Variants in ATRNL1 observed in about 807,000 individuals in gnomAD.
The protein encoded by ATRNL1 is attractin like 1.
ATRNL1 carries 95 observed loss-of-function variants against 182.7 expected under a neutral mutation model. The observed-to-expected ratio is 0.52, with a 90% CI of 0.44 to 0.62. The LOEUF (loss-of-function observed/expected upper bound fraction) is 0.62. Among genes scored for constraint, ATRNL1 ranks in the 20% least tolerant of loss-of-function variants. ATRNL1 has a pLI of 0.00. For synonymous variants in ATRNL1, 576 were observed against 568.3 expected, an observed-to-expected ratio of 1.01 and a Z score of -0.19; for missense variants, 1,471 against 1,679.5, an observed-to-expected ratio of 0.88 and a Z score of 2.17.
chr10:115,264,262 A>T (rs1181423385), intron 10 of ATRNL1, among the ~76,000 whole-genome samples: 1 of 151,632 alleles, frequency 6.6e-6, no homozygotes, highest in Non-Finnish European at 1.5e-5. Context: ...AATTTATTTT[A>T]TTATTGTTAT....
chr10:115,163,742 T>C (rs1846910788), intron 6 of ATRNL1, among the ~76,000 whole-genome samples: 3 of 152,142 alleles, frequency 2.0e-5, no homozygotes, highest in South Asian at 2.1e-4. Flanking sequence ...GCCTAAAATA[T>C]TTACTGTCTG....
intron 26 of ATRNL1, among the ~76,000 whole-genome samples, chr10:115,577,218 T>A (rs1215673293): frequency 6.6e-6 from 1 of 151,866 alleles, no homozygotes; most frequent in African/African-American, 2.4e-5. Flanking sequence ...TAGAGTCTTG[T>A]GGTTCTATTC....
chr10:115,189,811 A>G (rs570146377), intron 8 of ATRNL1, among the ~76,000 whole-genome samples: 1 of 152,144 alleles, frequency 6.6e-6, no homozygotes, highest in Non-Finnish European at 1.5e-5. Context: ...AGTAGTATAC[A>G]GTAATGTCCT....
At position 115,945,829 on chromosome 10, in the gene ATRNL1, G is replaced by A. The variant is rs1953864852; in HGVS notation, c.*1050G>A. ...TAGAATACAAGTAGAGAAGAGCACT[G>A]GCTGGCAAGCATCAACAGGAGTCTT... On this transcript the variant is annotated 3_prime_UTR_variant, in exon 29 of 29. Transcript: ENST00000355044. 6.6e-6 allele frequency: 1 copy of A among 152,108 alleles called. No homozygotes were observed. Among genetic ancestry groups the A allele is most frequent in the Non-Finnish European group, 1.5e-5 (1 of 68,030 alleles). 9.4% of individuals were successfully genotyped at this position (152,108 alleles called of 1,614,324 possible). A position where few individuals can be genotyped will look rare whatever the true frequency, so the allele number is the denominator to read the frequency against.
At chr10:115,304,159 T>C (rs1460842546) in intron 17 of ATRNL1, among the ~76,000 whole-genome samples, 1 of 152,220 alleles carries the variant, frequency 6.6e-6, no homozygotes, top group African/African-American at 2.4e-5. Flanking sequence ...ATAACACAGC[T>C]TGTTTCTATA....
chr10:115,869,234 A>G (rs1951519184), intron 28 of ATRNL1, among the ~76,000 whole-genome samples: 1 of 152,200 alleles, frequency 6.6e-6, no homozygotes. Context: ...AAATCTGCAA[A>G]GGGGTATTAA....
intron 6 of ATRNL1, 115 bp downstream of exon 6, chr10:115,160,329 A>C (rs2065719): frequency 0.37 from 336,588 of 913,028 alleles, 66,393 homozygotes; most frequent in Middle Eastern, 0.44. Context: ...GGTAGTGTCT[A>C]TTTGCTAGTG....
chr10:115,615,723 C>T lies in ATRNL1; in HGVS notation c.3795+66187C>T, dbSNP rs78679218. ...AGCACCTCCTCGCTATCTTTCTTCC[C>T]GCTGTTTCAGCTTTGCAAGGCACCA... On this transcript the variant is annotated intron_variant, in intron 26 of 28. Transcript: ENST00000355044. Among the ~76,000 whole-genome samples, 1,465 of 152,200 alleles carry T rather than the reference C, an allele frequency of 9.6e-3. 25 individuals are homozygous for T. The highest frequency in any genetic ancestry group is 0.033 in the African/African-American group (1,382 of 41,522).
chr10:115,321,179 T>C (rs2134030748), intron 18 of ATRNL1, among the ~76,000 whole-genome samples: 1 of 152,092 alleles, frequency 6.6e-6, no homozygotes, highest in Non-Finnish European at 1.5e-5. Context: ...TTGCTGGGGG[T>C]TCACTTCAGC....
intron 26 of ATRNL1, among the ~76,000 whole-genome samples, chr10:115,625,838 T>C (rs1009382716): frequency 5.3e-5 from 8 of 152,078 alleles, no homozygotes; most frequent in Admixed American, 1.3e-4. Flanking sequence ...AACTCTTCTT[T>C]CTCTAGATGA....
At chr10:115,889,969 T>A (rs1487260116) in intron 28 of ATRNL1, among the ~76,000 whole-genome samples, 6 of 152,168 alleles carry the variant, frequency 3.9e-5, no homozygotes, top group Admixed American at 2.0e-4. Context: ...GTTTCTGGTG[T>A]GTGTGCATTG....
intron 24 of ATRNL1, among the ~76,000 whole-genome samples, chr10:115,517,861 TG>T (rs1850719005): frequency 6.6e-6 from 1 of 151,844 alleles, no homozygotes; most frequent in Admixed American, 6.6e-5. Context: ...GACAAAGACC[TG>T]GGAAGAAAAT....
At position 115,129,531 on chromosome 10, in the gene ATRNL1, G is replaced by A; in HGVS notation, c.825G>A (p.Trp275Ter). The A allele has an allele frequency of 1.2e-6, 2 of 1,613,648 alleles. No individual in the cohort carries two copies. Among genetic ancestry groups the A allele is most frequent in the Non-Finnish European group, 1.7e-6 (2 of 1,179,600 alleles). Residue 275 changes from tryptophan (W) to a stop codon, truncating the protein, a stop_gained, in exon 5 of 29, where the codon TGG becomes TGA. Coordinates refer to ENST00000355044, the MANE Select transcript of ATRNL1 (RefSeq NM_207303.4). LOFTEE classifies it high-confidence loss of function. ...AATTATGTGTCTGCAATGATAGTTG[G>A]CAAGGTAAGCATGTGTGGTGTGATG... is the stretch of plus-strand genomic sequence containing the variant. ...GEKLCVCNDS[W>*]QGPDCSLNVP... is the part of the protein sequence containing the mutation.
At chr10:115,396,481 G>T (rs1159483416) in intron 20 of ATRNL1, among the ~76,000 whole-genome samples, 1 of 151,882 alleles carries the variant, frequency 6.6e-6, no homozygotes, top group Non-Finnish European at 1.5e-5. Context: ...TTTTAAATAA[G>T]AACTCTACAT....
rs532989473 is a variant in ATRNL1 at position 115,682,117 on chromosome 10, G to C, written c.3796-45131G>C. ...AAACTCTGTTGGATTTTCCTTTCTT[G>C]TTCTCTTTGATTAGCAGGATAGATA... On this transcript the variant is annotated intron_variant, in intron 26 of 28. Transcript: ENST00000355044. Among the ~76,000 whole-genome samples, 5 of 152,174 alleles carry C rather than the reference G, an allele frequency of 3.3e-5. No homozygotes were observed. In the South Asian group the frequency reaches 1.0e-3, roughly 32 times the overall value.
chr10:115,271,791 T>G (rs1333383079), intron 13 of ATRNL1, among the ~76,000 whole-genome samples: 1 of 152,138 alleles, frequency 6.6e-6, no homozygotes, highest in Non-Finnish European at 1.5e-5. Flanking sequence ...TGAATTGGAT[T>G]GTTGTAGTTT....
chr10:115,517,945 A>C (rs1554984266), intron 24 of ATRNL1, among the ~76,000 whole-genome samples: 1 of 151,830 alleles, frequency 6.6e-6, no homozygotes, highest in East Asian at 1.9e-4. Flanking sequence ...CCAATCTCCT[A>C]TGCCAATTAT....
chr10:115,931,718 G>A (rs777850436), intron 28 of ATRNL1, among the ~76,000 whole-genome samples: 10 of 152,096 alleles, frequency 6.6e-5, no homozygotes, highest in African/African-American at 1.4e-4. Flanking sequence ...ATCTCTCCCC[G>A]CAAATGACAT....
At chr10:115,702,522 A>C (rs1377448342) in intron 26 of ATRNL1, among the ~76,000 whole-genome samples, 1 of 151,806 alleles carries the variant, frequency 6.6e-6, no homozygotes, top group Non-Finnish European at 1.5e-5. Context: ...AACACTAATG[A>C]CTCTATACTT....
Sources: allele counts gnomAD v4.1 joint callset (sites outside exome capture counted in the v4.1 genomes callset), GRCh38; gene constraint gnomAD v4.1.1; transcripts MANE v1.5; gene names NCBI Gene and HGNC (gene_info 2026-07-23, HGNC 2026-07-21).